SEMA3B: variants seen among roughly 807,000 people sequenced by gnomAD.
SEMA3B encodes semaphorin 3B, also known as semaphorin-3B.
Under a neutral mutation model 77.8 loss-of-function variants are expected in SEMA3B, and 71 were observed. The observed-to-expected ratio is 0.91, with a 90% confidence interval of 0.75 to 1.11. The LOEUF (loss-of-function observed/expected upper bound fraction) is 1.11. Among genes scored for constraint, SEMA3B ranks in the 50% most tolerant of loss-of-function variants. The pLI is 0.00. For synonymous variants in SEMA3B, 470 were observed against 452.9 expected (o/e 1.04, Z -0.48); for missense variants, 968 against 1,056.8 (o/e 0.92, Z 1.17).
At chr3:50,266,259 C>T (rs1038905567), upstream of SEMA3B, among the ~76,000 whole-genome samples, 37 of 152,162 alleles carry the variant, frequency 2.4e-4, no homozygotes, top group Admixed American at 2.0e-3. Context: ...GGAGAGCCTG[C>T]CCAGGTCCTC....
Position 50,273,353 on chromosome 3 carries a change from C to T in SEMA3B, c.720C>T (p.Asp240=), listed in dbSNP as rs781974305. The T allele has an allele frequency of 1.2e-6, 2 of 1,614,006 alleles. No individual in the cohort carries two copies. The highest frequency in any genetic ancestry group is 1.1e-5 in the South Asian group (1 of 91,090). The change falls in exon 7 of 17, where the codon GAC becomes GAT. Residue 240 remains aspartate (D), a synonymous_variant. Coordinates refer to ENST00000616701, the MANE Select transcript of SEMA3B (RefSeq NM_001290060.2). This position sits in a 1 kb window ranked among gnomAD's most constrained non-coding sequence, Gnocchi z 6.5. Reference sequence around the variant, plus strand: ...CGGAGAGCGAGAACCCAGACGACGACAAAATCTACTTCTTCTTTCGTGAGA... The same window carrying T: ...CGGAGAGCGAGAACCCAGACGACGATAAAATCTACTTCTTCTTTCGTGAGA... The part of the protein sequence containing the change: ...WIPESENPDD[D]KIYFFFRETA...
the SEMA3B span, chr3:50,260,498 C>G: frequency 6.6e-6 from 1 of 152,394 alleles, no homozygotes; most frequent in Non-Finnish European, 1.5e-5. Flanking sequence ...GTTCCTCGGG[C>G]CTTTCCTGCT....
At position 50,276,097 on chromosome 3, in the gene SEMA3B, G is replaced by A. The variant is rs1701233034; in HGVS notation, c.1846-205G>A. The A allele has an allele frequency of 2.7e-6, 2 of 729,882 alleles. No homozygotes were observed. Among genetic ancestry groups the A allele is most frequent in the South Asian group, 4.2e-5 (2 of 47,276 alleles). 45.2% of individuals were successfully genotyped at this position (729,882 alleles called of 1,614,324 possible). A position where few individuals can be genotyped will look rare whatever the true frequency, so the allele number is the denominator to read the frequency against. Reference sequence around the variant, plus strand: ...AAGGTCCCTGACCACCCCCCACCAAGTTCATGTAAACCCCGCCTCTTTCGG... The same window carrying A: ...AAGGTCCCTGACCACCCCCCACCAAATTCATGTAAACCCCGCCTCTTTCGG... On this transcript the variant is annotated intron_variant, in intron 16 of 16. Transcript: ENST00000616701. This position sits in a 1 kb window ranked among gnomAD's most constrained non-coding sequence, Gnocchi z 5.8.
upstream of SEMA3B, among the ~76,000 whole-genome samples, chr3:50,265,258 G>C (rs1299936795): frequency 1.3e-5 from 2 of 152,200 alleles, no homozygotes; most frequent in African/African-American, 4.8e-5. Flanking sequence ...AGCATGACCT[G>C]GTACCTACGT....
In SEMA3B at chr3:50,276,326, C is replaced by G. The variant is rs587671775; in HGVS notation, c.1870C>G (p.Arg624Gly). 1.3e-6 allele frequency: 2 copies of G among 1,523,770 alleles called. No individual in the cohort carries two copies. The highest frequency in any genetic ancestry group is 1.4e-5 in the African/African-American group (1 of 72,402). 94.4% of individuals were successfully genotyped at this position (1,523,770 alleles called of 1,614,324 possible). A position where few individuals can be genotyped will look rare whatever the true frequency, so the allele number is the denominator to read the frequency against. The change falls in exon 17 of 17, where the codon CGC becomes GGC. Residue 624 changes from arginine to glycine, a missense_variant. Physicochemically the swap from Arg to Gly is moderately radical, Grantham distance 125. Coordinates refer to ENST00000616701, the MANE Select transcript of SEMA3B (RefSeq NM_001290060.2). This position sits in a 1 kb window ranked among gnomAD's most constrained non-coding sequence, Gnocchi z 5.8. ...TQVLAEERTERTARGLLLRRL... is the reference protein window; with the variant it reads ...TQVLAEERTEGTARGLLLRRL... Reference sequence around the variant, plus strand: ...GGTGCTGGCAGAGGAGCGCACCGAGCGCACCGCCCGGGGACTACTGCTGCG... The same window carrying G: ...GGTGCTGGCAGAGGAGCGCACCGAGGGCACCGCCCGGGGACTACTGCTGCG...
chr3:50,272,860 AT>A (rs1701091570), intron 6 of SEMA3B, among the ~76,000 whole-genome samples: 1 of 149,136 alleles, frequency 6.7e-6, no homozygotes, highest in African/African-American at 2.4e-5. Context: ...TAAACAAATA[AT>A]AATAATAATA....
rs587731593 is a variant in SEMA3B at position 50,275,995 on chromosome 3, G to A, written c.1845+151G>A. 2.7e-6 allele frequency: 3 copies of A among 1,115,130 alleles called. No individual in the cohort carries two copies. The highest frequency in any genetic ancestry group is 1.7e-5 in the South Asian group (1 of 60,128). 69.1% of individuals were successfully genotyped at this position (1,115,130 alleles called of 1,614,324 possible). A position where few individuals can be genotyped will look rare whatever the true frequency, so the allele number is the denominator to read the frequency against. On this transcript the variant is annotated intron_variant, in intron 16 of 16. Coordinates refer to ENST00000616701, the MANE Select transcript of SEMA3B (RefSeq NM_001290060.2). The surrounding 1 kb of genome is among the most constrained non-coding windows in gnomAD (Gnocchi z 7.5). ...TCACCTGCACTCCACAAGCTGCTGA[G>A]GCCCCATTGCGTCCAACGGGGCTCC...
chr3:50,260,832 T>A, the SEMA3B span: 2 of 152,284 alleles, frequency 1.3e-5, no homozygotes, highest in Non-Finnish European at 2.9e-5. Context: ...CTGGGTGGGA[T>A]CCTGGGGGCA....
chr3:50,274,093 C>A lies in SEMA3B; in HGVS notation c.1137+36C>A. ...CAGGGACTTCTGCTACAACCCACTTCAAAGCCTCAAGGGTTTGAGAACTTG... is the reference window on the plus strand; with the variant it reads ...CAGGGACTTCTGCTACAACCCACTTAAAAGCCTCAAGGGTTTGAGAACTTG... On this transcript the variant is annotated intron_variant, in intron 10 of 16. Transcript: ENST00000616701. The surrounding 1 kb of genome is among the most constrained non-coding windows in gnomAD (Gnocchi z 4.7). 4 of 1,604,714 alleles carry A rather than the reference C, an allele frequency of 2.5e-6. No homozygotes were observed. Among genetic ancestry groups the A allele is most frequent in the Admixed American group, 1.8e-5 (1 of 56,742 alleles).
rs782111181 is a variant in SEMA3B at position 50,274,062 on chromosome 3, G to C, written c.1137+5G>C. ...CCCTACCCGCGGCCAGGCATGGTTC[G>C]TAGCCCAGGGACTTCTGCTACAACC... On this transcript the variant is annotated splice_donor_5th_base_variant and intron_variant, in intron 10 of 16. Transcript: ENST00000616701. This position sits in a 1 kb window ranked among gnomAD's most constrained non-coding sequence, Gnocchi z 4.7. 2.5e-6 allele frequency: 4 copies of C among 1,612,734 alleles called. No homozygotes were observed. Among genetic ancestry groups the C allele is most frequent in the Admixed American group, 1.7e-5 (1 of 59,620 alleles).
At chr3:50,268,014 T>C (rs1700945323), upstream of SEMA3B, among the ~76,000 whole-genome samples, 1 of 151,178 alleles carries the variant, frequency 6.6e-6, no homozygotes, top group African/African-American at 2.4e-5. Flanking sequence ...CAGGGGGAGG[T>C]GTCTGGCTCC....
chr3:50,275,729 A>G lies in SEMA3B; in HGVS notation c.1730A>G (p.Glu577Gly). 1 of 1,613,290 alleles carries G rather than the reference A, an allele frequency of 6.2e-7. No individual in the cohort carries two copies. The highest frequency in any genetic ancestry group is 2.2e-5 in the East Asian group (1 of 44,858). Residue 577 changes from glutamate to glycine, a missense_variant, in exon 16 of 17, where the codon GAA becomes GGA. Coordinates refer to ENST00000616701, the MANE Select transcript of SEMA3B (RefSeq NM_001290060.2). The surrounding 1 kb of genome is among the most constrained non-coding windows in gnomAD (Gnocchi z 7.5). ...GACTCGTCTCGTCCCGCGCTGCTGG[A>G]ACACAAGGTGTTCGGCGTGGAGGGC... is the stretch of plus-strand genomic sequence containing the variant. ...SGDSSRPALL[E>G]HKVFGVEGSS...
At chr3:50,265,774 G>A (rs1490940368), upstream of SEMA3B, among the ~76,000 whole-genome samples, 1 of 152,162 alleles carries the variant, frequency 6.6e-6, no homozygotes, top group African/African-American at 2.4e-5. Flanking sequence ...CCTTGCTCCT[G>A]GAGTGCTGAC....
Position 50,275,307 on chromosome 3 carries a change from G to A in SEMA3B, c.1497G>A (p.Gln499=). The stretch of plus-strand genomic sequence containing the variant: ...GAGCCCCTCGTGCCCCCTAGCACCA[G>A]CTGTACGTAGCCTCGCGGAGCGCGG... ...TSMQISSKRH[Q]LYVASRSAVA... The change falls in exon 14 of 17, where the codon CAG becomes CAA. Residue 499 remains glutamine, a synonymous_variant. Coordinates refer to ENST00000616701, the MANE Select transcript of SEMA3B (RefSeq NM_001290060.2). The surrounding 1 kb of genome is among the most constrained non-coding windows in gnomAD (Gnocchi z 7.5). 2 of 1,566,054 alleles carry A rather than the reference G, an allele frequency of 1.3e-6. No individual in the cohort carries two copies. Among genetic ancestry groups the A allele is most frequent in the Non-Finnish European group, 1.7e-6 (2 of 1,156,716 alleles).
chr3:50,270,413 C>T lies in SEMA3B; in HGVS notation c.268-20C>T, dbSNP rs782791038. 4 of 1,613,764 alleles carry T rather than the reference C, an allele frequency of 2.5e-6. No homozygotes were observed. The South Asian group carries it at 3.3e-5, about 13-fold the overall frequency. ...CCCAAGTTCCTGACCTGTGTCCCCT[C>T]TCCCCCAACCTCCCGATAGCTGGCC... On this transcript the variant is annotated intron_variant, in intron 2 of 16. Transcript: ENST00000616701. This position sits in a 1 kb window ranked among gnomAD's most constrained non-coding sequence, Gnocchi z 4.7.
Position 50,274,243 on chromosome 3 carries a change from T to G in SEMA3B, c.1138-120T>G. The G allele has an allele frequency of 8.1e-7, 1 of 1,228,794 alleles. No homozygotes were observed. Among genetic ancestry groups the G allele is most frequent in the Non-Finnish European group, 1.1e-6 (1 of 882,720 alleles). The allele number at this position is 1,228,794 out of a possible 1,614,324, so 76.1% of individuals were successfully genotyped here. On this transcript the variant is annotated intron_variant, in intron 10 of 16. Transcript: ENST00000616701. The surrounding 1 kb of genome is among the most constrained non-coding windows in gnomAD (Gnocchi z 4.7). ...AGGGCAAGGCTGATCTCCTCTCTAA[T>G]TCTCAGGGCAGGGTTCTGTCCCCAT...
Position 50,274,543 on chromosome 3 carries a change from G to A in SEMA3B, c.1318G>A (p.Ala440Thr). The stretch of plus-strand genomic sequence containing the variant: ...TCAAATTGCCGCGGACCGGGTTGCA[G>A]CCGCTGACGGACACTATGACGTCCT... ...FTQIAADRVA[A>T]ADGHYDVLFI... The change falls in exon 11 of 17, where the codon GCC becomes ACC. Residue 440 changes from alanine (A) to threonine (T), a missense_variant. Transcript: ENST00000616701. This position sits in a 1 kb window ranked among gnomAD's most constrained non-coding sequence, Gnocchi z 4.7. 6.4e-7 allele frequency: 1 copy of A among 1,562,548 alleles called. No individual in the cohort carries two copies. Among genetic ancestry groups the A allele is most frequent in the Non-Finnish European group, 8.7e-7 (1 of 1,155,986 alleles).
At position 50,270,646 on chromosome 3, in the gene SEMA3B, G is replaced by A; in HGVS notation, c.330+151G>A. ...GGTCTGGGGGTGGTGAGTCAGGGTG[G>A]GGGCTCGTGTAATTCTTCTGGGGTG... On this transcript the variant is annotated intron_variant, in intron 3 of 16. Coordinates refer to ENST00000616701, the MANE Select transcript of SEMA3B (RefSeq NM_001290060.2). This position sits in a 1 kb window ranked among gnomAD's most constrained non-coding sequence, Gnocchi z 4.7. 8.5e-7 allele frequency: 1 copy of A among 1,181,584 alleles called. No homozygotes were observed. The highest frequency in any genetic ancestry group is 1.2e-6 in the Non-Finnish European group (1 of 846,450). 73.2% of individuals were successfully genotyped at this position (1,181,584 alleles called of 1,614,324 possible). A position where few individuals can be genotyped will look rare whatever the true frequency, so the allele number is the denominator to read the frequency against.
chr3:50,264,047 A>C (rs1376703451), upstream of SEMA3B, among the ~76,000 whole-genome samples: 1 of 152,026 alleles, frequency 6.6e-6, no homozygotes, highest in Non-Finnish European at 1.5e-5. Context: ...AAAAAAAATA[A>C]TAATACAAAA....
Sources: allele counts gnomAD v4.1 joint callset (sites outside exome capture counted in the v4.1 genomes callset), GRCh38; gene constraint gnomAD v4.1.1; non-coding constraint Gnocchi (gnomAD v3.1); transcripts MANE v1.5; gene names NCBI Gene and HGNC (gene_info 2026-07-23, HGNC 2026-07-21).